Variants in RING1 observed in about 807,000 individuals in gnomAD.
The protein encoded by RING1 is E3 ubiquitin-protein ligase RING1.
RING1 carries 8 observed loss-of-function variants against 35.0 expected under a neutral mutation model. The observed-to-expected ratio is 0.23, with a 90% CI of 0.13 to 0.41. RING1 has a LOEUF of 0.41. RING1 is among the 10% of genes least tolerant of loss of function. RING1 has a pLI of 1.00. For synonymous variants in RING1, 214 were observed against 224.3 expected (o/e 0.95, Z 0.41); for missense variants, 343 against 546.8 (o/e 0.63, Z 3.72).
rs2150701577 is a variant in RING1, at chr6:33,208,736, C to A, written c.-58-29C>A. On this transcript the variant is annotated intron_variant, in intron 1 of 6. Transcript: ENST00000374656. The surrounding 1 kb of genome is among the most constrained non-coding windows in gnomAD (Gnocchi z 6.2). ...TCTACGCGAGGGGCGGCCCCCCTGA[C>A]GCCCTCCTCCCCTTCCCCCCACCCC... The A allele has an allele frequency of 9.1e-7, 1 of 1,095,358 alleles. No individual in the cohort carries two copies. The highest frequency in any genetic ancestry group is 2.7e-5 in the East Asian group (1 of 37,258). The allele number at this position is 1,095,358 out of a possible 1,614,324, so 67.9% of individuals were successfully genotyped here.
chr6:33,212,655 T>C lies in RING1; in HGVS notation c.*256T>C, dbSNP rs1775632643. ...CATCTATACGAGGTGTTGGAGAAGG[T>C]GAAGAACCCTCCCATTCACGCCCGC... On this transcript the variant is annotated 3_prime_UTR_variant, in exon 7 of 7. Coordinates refer to ENST00000374656, the MANE Select transcript of RING1 (RefSeq NM_002931.4). 2 of 391,150 alleles carry C rather than the reference T, an allele frequency of 5.1e-6. No homozygotes were observed. Among genetic ancestry groups the C allele is most frequent in the Non-Finnish European group, 9.1e-6 (2 of 220,406 alleles). 24.2% of individuals were successfully genotyped at this position (391,150 alleles called of 1,614,324 possible). A position where few individuals can be genotyped will look rare whatever the true frequency, so the allele number is the denominator to read the frequency against.
In RING1 at chr6:33,211,980, C is replaced by A. The variant is rs371179024; in HGVS notation, c.1097C>A (p.Ala366Glu). 3 of 1,548,140 alleles carry A rather than the reference C, an allele frequency of 1.9e-6. No homozygotes were observed. The highest frequency in any genetic ancestry group is 1.7e-6 in the Non-Finnish European group (2 of 1,144,560). ...GAAAAGCAGTACACCATCTACATCGCACCTGGAGGCGGGGCGTTCACGGTG... is the reference window on the plus strand; with the variant it reads ...GAAAAGCAGTACACCATCTACATCGAACCTGGAGGCGGGGCGTTCACGGTG... ...VSEKQYTIYI[A>E]PGGGAFTTLN... Residue 366 changes from alanine (A) to glutamate (E), a missense_variant, in exon 6 of 7, where the codon GCA (alanine) becomes GAA (glutamate). Physicochemically the swap from Ala to Glu is moderately radical, Grantham distance 107 (BLOSUM62 -1). This residue lies in a region of RING1 where 278 missense variants were observed against 383.5 expected (regional missense o/e 0.72). Coordinates refer to ENST00000374656, the MANE Select transcript of RING1 (RefSeq NM_002931.4). The surrounding 1 kb of genome is among the most constrained non-coding windows in gnomAD (Gnocchi z 6.3).
rs570772279 is a variant in RING1 at position 33,211,114 on chromosome 6, C to T, written c.456-44C>T. On this transcript the variant is annotated intron_variant, in intron 4 of 6. Coordinates refer to ENST00000374656, the MANE Select transcript of RING1 (RefSeq NM_002931.4). The surrounding 1 kb of genome is among the most constrained non-coding windows in gnomAD (Gnocchi z 6.3). The stretch of plus-strand genomic sequence containing the variant: ...TTCTCTGAAGTTTAAAGTCTAAGCC[C>T]TTTATCCTGGATGCCTTCTAACCTT... 4 of 1,527,834 alleles carry T rather than the reference C, an allele frequency of 2.6e-6. No homozygotes were observed. The highest frequency in any genetic ancestry group is 2.3e-5 in the East Asian group (1 of 43,874). The allele number at this position is 1,527,834 out of a possible 1,614,324, so 94.6% of individuals were successfully genotyped here. A position where few individuals can be genotyped will look rare whatever the true frequency, so the allele number is the denominator to read the frequency against.
chr6:33,211,512 C>G lies in RING1; in HGVS notation c.810C>G (p.Pro270=), dbSNP rs760794938. 14 of 1,612,270 alleles carry G rather than the reference C, an allele frequency of 8.7e-6. No individual in the cohort carries two copies. Among genetic ancestry groups the G allele is most frequent in the Admixed American group, 8.3e-5 (5 of 59,982 alleles). The change falls in exon 5 of 7, where the codon CCC becomes CCG. Residue 270 remains proline, a synonymous_variant. Transcript: ENST00000374656. The surrounding 1 kb of genome is among the most constrained non-coding windows in gnomAD (Gnocchi z 6.3). ...GEIELVFRPH[P]LLVEKGEYCQ... ...TTGAGCTCGTGTTCCGGCCCCACCC[C>G]CTGCTCGTGGAGAAGGGAGAATACT...
chr6:33,210,240 C>T (rs1043584866), intron 4 of RING1, 110 bp downstream of exon 4: 20 of 930,042 alleles, frequency 2.2e-5, no homozygotes, highest in East Asian at 2.7e-5. Flanking sequence ...ACAGACTGAT[C>T]ATTAGGGCTG....
chr6:33,210,198 G>C, intron 4 of RING1, 68 bp downstream of exon 4: 1 of 1,424,500 alleles, frequency 7.0e-7, no homozygotes, highest in South Asian at 1.2e-5. Context: ...TTGCCTGCTA[G>C]CTTCTAAGCC....
Position 33,211,343 on chromosome 6 carries a change from G to C in RING1, c.641G>C (p.Gly214Ala). Reference sequence around the variant, plus strand: ...GGGGGCGCAGGGGGGAGCAGTGTAGGGACAGGGGGAGGCGGCACTGGTGGG... The same window carrying C: ...GGGGGCGCAGGGGGGAGCAGTGTAGCGACAGGGGGAGGCGGCACTGGTGGG... ...RGGGAGGSSV[G>A]TGGGGTGGVG... The change falls in exon 5 of 7, where the codon GGG (glycine) becomes GCG (alanine). Residue 214 changes from glycine (G) to alanine (A), a missense_variant. Gly to Ala is a moderately conservative substitution (Grantham distance 60, BLOSUM62 0). This residue lies in a region of RING1 where 278 missense variants were observed against 383.5 expected (regional missense o/e 0.72). Transcript: ENST00000374656. This position sits in a 1 kb window ranked among gnomAD's most constrained non-coding sequence, Gnocchi z 6.3. 7 of 1,601,542 alleles carry C rather than the reference G, an allele frequency of 4.4e-6. No homozygotes were observed. The highest frequency in any genetic ancestry group is 6.0e-6 in the Non-Finnish European group (7 of 1,174,202).
At position 33,209,064 on chromosome 6, in the gene RING1, T is replaced by G; in HGVS notation, c.78+164T>G. 1.4e-6 allele frequency: 1 copy of G among 722,622 alleles called. No homozygotes were observed. The highest frequency in any genetic ancestry group is 2.5e-6 in the Non-Finnish European group (1 of 396,828). 44.8% of individuals were successfully genotyped at this position (722,622 alleles called of 1,614,324 possible). ...AAAGCACTTTCGCATTTAGCTCATT[T>G]AATCCTCAAAACAGCCCTGCCAGAG... On this transcript the variant is annotated intron_variant, in intron 2 of 6. Coordinates refer to ENST00000374656, the MANE Select transcript of RING1 (RefSeq NM_002931.4). The surrounding 1 kb of genome is among the most constrained non-coding windows in gnomAD (Gnocchi z 5.1).
Position 33,209,291 on chromosome 6 carries a change from G to A in RING1, c.79-335G>A, listed in dbSNP as rs1022270168. The A allele has an allele frequency of 2.4e-4, 136 of 566,196 alleles. 1 individual carries two copies. The highest frequency in any genetic ancestry group is 1.3e-5 in the Non-Finnish European group (4 of 316,036). 35.1% of individuals were successfully genotyped at this position (566,196 alleles called of 1,614,324 possible). ...TCTGAATTTTTAACAGGCACCCTAT[G>A]GGGTTCTAATACAGGTAGCACCAGG... On this transcript the variant is annotated intron_variant, in intron 2 of 6. Coordinates refer to ENST00000374656, the MANE Select transcript of RING1 (RefSeq NM_002931.4). This position sits in a 1 kb window ranked among gnomAD's most constrained non-coding sequence, Gnocchi z 5.1.
In RING1 at chr6:33,211,058, T is replaced by C. The variant is rs1775489342; in HGVS notation, c.456-100T>C. On this transcript the variant is annotated intron_variant, in intron 4 of 6. Coordinates refer to ENST00000374656, the MANE Select transcript of RING1 (RefSeq NM_002931.4). The surrounding 1 kb of genome is among the most constrained non-coding windows in gnomAD (Gnocchi z 6.3). ...CACATTGTGTTTAATAAATATTAGG[T>C]ATCGTCATTAGGATTTTTCTTATCT... The C allele has an allele frequency of 7.6e-7, 1 of 1,309,962 alleles. No individual in the cohort carries two copies. 81.1% of individuals were successfully genotyped at this position (1,309,962 alleles called of 1,614,324 possible). A position where few individuals can be genotyped will look rare whatever the true frequency, so the allele number is the denominator to read the frequency against.
chr6:33,208,884 T>G lies in RING1; in HGVS notation c.62T>G (p.Leu21Arg). 6.2e-7 allele frequency: 1 copy of G among 1,612,522 alleles called. No homozygotes were observed. The highest frequency in any genetic ancestry group is 8.5e-7 in the Non-Finnish European group (1 of 1,179,802). Reference sequence around the variant, plus strand: ...ACGTGGGAACTGAGTCTGTATGAGCTGCACCGGACCCCGCAGGTGACAGGC... The same window carrying G: ...ACGTGGGAACTGAGTCTGTATGAGCGGCACCGGACCCCGCAGGTGACAGGC... The part of the protein sequence containing the change: ...SKTWELSLYE[L>R]HRTPQEAIMD... Residue 21 changes from leucine (L) to arginine (R), a missense_variant, in exon 2 of 7, where the codon CTG (leucine) becomes CGG (arginine). Leu to Arg is a moderately radical substitution (Grantham distance 102). This residue lies in a region of RING1 where 65 missense variants were observed against 163.3 expected (regional missense o/e 0.40). Transcript: ENST00000374656. The surrounding 1 kb of genome is among the most constrained non-coding windows in gnomAD (Gnocchi z 6.2).
chr6:33,209,829 A>C lies in RING1; in HGVS notation c.239+43A>C. 1 of 1,612,458 alleles carries C rather than the reference A, an allele frequency of 6.2e-7. No homozygotes were observed. Among genetic ancestry groups the C allele is most frequent in the Non-Finnish European group, 8.5e-7 (1 of 1,178,580 alleles). Reference sequence around the variant, plus strand: ...TTTGAGATGAGATGAAGGGGTACAAAGTTAGGGCCCTCTCACTGGTCTTGG... The same window carrying C: ...TTTGAGATGAGATGAAGGGGTACAACGTTAGGGCCCTCTCACTGGTCTTGG... On this transcript the variant is annotated intron_variant, in intron 3 of 6. Transcript: ENST00000374656. The surrounding 1 kb of genome is among the most constrained non-coding windows in gnomAD (Gnocchi z 5.1).
chr6:33,211,801 G>A lies in RING1; in HGVS notation c.918G>A (p.Glu306=), dbSNP rs1381401918. Residue 306 remains glutamate, a synonymous_variant, in exon 6 of 7, where the codon GAG becomes GAA. Transcript: ENST00000374656. This position sits in a 1 kb window ranked among gnomAD's most constrained non-coding sequence, Gnocchi z 6.3. ...SKYLALRIAL[E]RRQQQEAGEP... ...ACTTGGCCCTGCGCATTGCCCTCGA[G>A]CGGAGGCAACAGCAGGAAGCAGGGG... 4 of 1,604,152 alleles carry A rather than the reference G, an allele frequency of 2.5e-6. No individual in the cohort carries two copies. Among genetic ancestry groups the A allele is most frequent in the Admixed American group, 1.7e-5 (1 of 59,140 alleles).
Position 33,212,398 on chromosome 6 carries a change from G to T in RING1, c.1220G>T (p.Ter407LeuextTer36). The T allele has an allele frequency of 6.3e-7, 1 of 1,578,438 alleles. No homozygotes were observed. The highest frequency in any genetic ancestry group is 8.6e-7 in the Non-Finnish European group (1 of 1,160,422). ...LCYAPTKDPK[*>L] ...TATGCTCCCACCAAGGATCCAAAGT[G>T]ACCCCACCAGGGGACAGCCAGAGGA... Residue 407 changes from the stop codon to leucine, a stop_lost, in exon 7 of 7, where the codon TGA becomes TTA. Transcript: ENST00000374656.
At position 33,209,108 on chromosome 6, in the gene RING1, T is replaced by G. The variant is rs572255547; in HGVS notation, c.78+208T>G. ...GCCAGAGAGGTGGAACAAGTATTAT[T>G]ATCTTCATTTGAAAGATCACAAACA... On this transcript the variant is annotated intron_variant, in intron 2 of 6. Transcript: ENST00000374656. The surrounding 1 kb of genome is among the most constrained non-coding windows in gnomAD (Gnocchi z 5.1). The G allele has an allele frequency of 5.7e-6, 4 of 702,088 alleles. No homozygotes were observed. In the East Asian group the frequency reaches 1.1e-4, roughly 19 times the overall value. The allele number at this position is 702,088 out of a possible 1,614,324, so 43.5% of individuals were successfully genotyped here.
In RING1 at chr6:33,212,279, C is replaced by T. The variant is rs751311317; in HGVS notation, c.1120-19C>T. On this transcript the variant is annotated intron_variant, in intron 6 of 6. Coordinates refer to ENST00000374656, the MANE Select transcript of RING1 (RefSeq NM_002931.4). ...TTTCCTCTCTCTTTTCCCCTCTCTC[C>T]CTTTTACCCCCTCCTCAGACGTTGA... 6.6e-7 allele frequency: 1 copy of T among 1,515,440 alleles called. No homozygotes were observed. The highest frequency in any genetic ancestry group is 1.2e-5 in the South Asian group (1 of 83,764). The allele number at this position is 1,515,440 out of a possible 1,614,324, so 93.9% of individuals were successfully genotyped here.
At position 33,209,772 on chromosome 6, in the gene RING1, A is replaced by G; in HGVS notation, c.225A>G (p.Thr75=). ...LHRFCSDCIV[T]ALRSGNKECP... The stretch of plus-strand genomic sequence containing the variant: ...GATTCTGCTCTGACTGCATTGTCAC[A>G]GCCCTACGGAGCGGGTAATAGGAGA... The change falls in exon 3 of 7, where the codon ACA becomes ACG. Residue 75 remains threonine (T), a synonymous_variant. Transcript: ENST00000374656. This position sits in a 1 kb window ranked among gnomAD's most constrained non-coding sequence, Gnocchi z 5.1. 6 of 1,613,922 alleles carry G rather than the reference A, an allele frequency of 3.7e-6. No homozygotes were observed. Among genetic ancestry groups the G allele is most frequent in the Non-Finnish European group, 5.1e-6 (6 of 1,179,986 alleles).
chr6:33,209,091 G>A lies in RING1; in HGVS notation c.78+191G>A. 1 of 705,704 alleles carries A rather than the reference G, an allele frequency of 1.4e-6. No homozygotes were observed. Among genetic ancestry groups the A allele is most frequent in the Non-Finnish European group, 2.6e-6 (1 of 386,018 alleles). The allele number at this position is 705,704 out of a possible 1,614,324, so 43.7% of individuals were successfully genotyped here. ...ATCCTCAAAACAGCCCTGCCAGAGA[G>A]GTGGAACAAGTATTATTATCTTCAT... On this transcript the variant is annotated intron_variant, in intron 2 of 6. Coordinates refer to ENST00000374656, the MANE Select transcript of RING1 (RefSeq NM_002931.4). The surrounding 1 kb of genome is among the most constrained non-coding windows in gnomAD (Gnocchi z 5.1).
intron 4 of RING1, among the ~76,000 whole-genome samples, chr6:33,210,637 T>C (rs1322527277): frequency 6.6e-6 from 1 of 150,740 alleles, no homozygotes; most frequent in Non-Finnish European, 1.5e-5. Context: ...AGGAAAAATG[T>C]AGTTTACCCC....
Sources: gnomAD v4.1 joint callset for allele counts (sites outside exome capture counted in the v4.1 genomes callset) on GRCh38, gnomAD v4.1.1 for gene constraint, gnomAD v4.1.1 regional missense constraint, Gnocchi (gnomAD v3.1) non-coding constraint, MANE v1.5 for transcripts, NCBI Gene and HGNC (gene_info 2026-07-23, HGNC 2026-07-21) for gene names.